The following ACOXL variants were observed in gnomAD, a reference collection of about 807,000 sequenced individuals.
ACOXL encodes acyl-CoA oxidase like.
Under a neutral mutation model 71.9 loss-of-function variants are expected in ACOXL, and 70 were observed. That is an observed-to-expected ratio of 0.97 (90% CI 0.80 to 1.19). The LOEUF (loss-of-function observed/expected upper bound fraction) is 1.19, where lower values mean the gene tolerates loss of function less well. Among genes scored for constraint, ACOXL ranks in the 50% most tolerant of loss-of-function variants. The pLI is 0.00. For synonymous variants in ACOXL, 253 were observed against 281.6 expected (o/e 0.90, Z 1.02); for missense variants, 703 against 736.3 (o/e 0.95, Z 0.52).
rs61028803 is a variant in ACOXL, at chr2:110,846,641, GCACA to G, written c.788+5267_788+5270del. 1.1e-3 allele frequency among the ~76,000 whole-genome samples: 150 copies of G among 138,030 alleles called. 1 individual carries two copies. The highest frequency in any genetic ancestry group is 8.3e-3 in the South Asian group (32 of 3,874). The allele number at this position is 138,030 out of a possible 152,430, so 90.6% of individuals were successfully genotyped here. On this transcript the variant is annotated intron_variant, in intron 10 of 17. Coordinates refer to ENST00000439055, the MANE Select transcript of ACOXL (RefSeq NM_001142807.4). ...TGTGAGCATGCAAGTATGCATACAC[GCACA>G]CACACACACACACACACACACACAC...
intron 13 of ACOXL, among the ~76,000 whole-genome samples, chr2:110,993,879 T>C (rs1040761887): frequency 6.6e-6 from 1 of 152,250 alleles, no homozygotes; most frequent in Non-Finnish European, 1.5e-5. Context: ...TGATGTCTAA[T>C]GATACTTATT....
Position 110,812,638 on chromosome 2 carries a change from A to G in ACOXL, c.753+7243A>G, listed in dbSNP as rs74440567. Among the ~76,000 whole-genome samples the G allele has an allele frequency of 6.2e-3, 948 of 152,366 alleles. 11 individuals are homozygous for G. The highest frequency in any genetic ancestry group is 0.021 in the African/African-American group (884 of 41,580). ...TCCATTCATAAACATTTCTCCTTAA[A>G]AGATACATCTACTGCCCTTTTCCTC... On this transcript the variant is annotated intron_variant, in intron 9 of 17. Transcript: ENST00000439055.
intron 9 of ACOXL, among the ~76,000 whole-genome samples, chr2:110,815,082 A>G (rs1038161139): frequency 2.0e-5 from 3 of 152,344 alleles, no homozygotes; most frequent in East Asian, 3.9e-4. Context: ...ACTTACAATC[A>G]TGGTGGAAGG....
chr2:110,770,835 T>C (rs1167024095), intron 2 of ACOXL, among the ~76,000 whole-genome samples: 1 of 152,200 alleles, frequency 6.6e-6, no homozygotes, highest in Non-Finnish European at 1.5e-5. Flanking sequence ...CTTAACTTAG[T>C]GTCAATACTC....
intron 10 of ACOXL, among the ~76,000 whole-genome samples, chr2:110,860,608 C>G (rs761836174): frequency 3.9e-5 from 6 of 152,168 alleles, no homozygotes; most frequent in Non-Finnish European, 7.3e-5. Context: ...GGGAAAAGAT[C>G]AGTGTGTGTA....
At chr2:111,085,052 C>T (rs1422314843) in intron 16 of ACOXL, among the ~76,000 whole-genome samples, 1 of 152,124 alleles carries the variant, frequency 6.6e-6, no homozygotes, top group Non-Finnish European at 1.5e-5. Flanking sequence ...TATATGTACA[C>T]AACACAGGAA....
At chr2:110,827,724 A>G (rs1253954438) in intron 9 of ACOXL, among the ~76,000 whole-genome samples, 1 of 151,794 alleles carries the variant, frequency 6.6e-6, no homozygotes, top group Admixed American at 6.6e-5. Context: ...ACATCAGCTG[A>G]CCCTGGAAAG....
rs937768651 is a variant in ACOXL at position 110,793,614 on chromosome 2, G to A, written c.160-36G>A. On this transcript the variant is annotated intron_variant, in intron 3 of 17. Transcript: ENST00000439055. ...TTTAATTGTCTTTAGATTGCTGACT[G>A]TTGCTAATGATGGTTTGTATTGTCC... is the stretch of plus-strand genomic sequence containing the variant. 3 of 1,575,272 alleles carry A rather than the reference G, an allele frequency of 1.9e-6. No homozygotes were observed. The African/African-American group carries it at 4.0e-5, about 21-fold the overall frequency.
Position 111,064,248 on chromosome 2 carries a change from A to G in ACOXL, c.1440+14960A>G, listed in dbSNP as rs564001525. On this transcript the variant is annotated intron_variant, in intron 16 of 17. Transcript: ENST00000439055. The stretch of plus-strand genomic sequence containing the variant: ...TCAGGAGATCGAGACCATCCTGGCT[A>G]ACACAGTGAAACCCCGTCTCTACTA... Among the ~76,000 whole-genome samples, 3 of 152,234 alleles carry G rather than the reference A, an allele frequency of 2.0e-5. No homozygotes were observed. In the East Asian group the frequency reaches 5.8e-4, roughly 29 times the overall value.
chr2:110,776,032 G>T (rs774515690), intron 2 of ACOXL, among the ~76,000 whole-genome samples: 43 of 152,142 alleles, frequency 2.8e-4, no homozygotes, highest in Non-Finnish European at 5.0e-4. Flanking sequence ...CAGGTGAATG[G>T]CATAACAAAA....
intron 15 of ACOXL, among the ~76,000 whole-genome samples, chr2:111,034,063 T>C (rs1317424142): frequency 6.6e-6 from 1 of 152,238 alleles, no homozygotes; most frequent in Non-Finnish European, 1.5e-5. Context: ...GGATGGGGGC[T>C]CTGGAGTCAG....
At chr2:111,071,851 C>A (rs1273679743) in intron 16 of ACOXL, among the ~76,000 whole-genome samples, 1 of 152,220 alleles carries the variant, frequency 6.6e-6, no homozygotes, top group Non-Finnish European at 1.5e-5. Flanking sequence ...CAAATGCACA[C>A]TGAGCCCTGA....
chr2:110,774,869 T>C (rs1017135798), intron 2 of ACOXL, among the ~76,000 whole-genome samples: 3 of 152,176 alleles, frequency 2.0e-5, no homozygotes, highest in Non-Finnish European at 4.4e-5. Flanking sequence ...CAAAGCAATC[T>C]TGGAAAAGAA....
At chr2:111,096,777 C>T (rs1029479840) in intron 17 of ACOXL, among the ~76,000 whole-genome samples, 3 of 152,212 alleles carry the variant, frequency 2.0e-5, no homozygotes, top group Admixed American at 6.5e-5. Context: ...AAGTCCTAAT[C>T]GAAGGTAATT....
At chr2:111,037,657 A>G (rs1287208654) in intron 15 of ACOXL, among the ~76,000 whole-genome samples, 5 of 152,326 alleles carry the variant, frequency 3.3e-5, no homozygotes, top group Middle Eastern at 3.4e-3. Flanking sequence ...TTTAATCTCC[A>G]CAACAACCTT....
intron 9 of ACOXL, among the ~76,000 whole-genome samples, chr2:110,826,535 C>CAAGA (rs1476275355): frequency 6.6e-6 from 1 of 152,146 alleles, no homozygotes; most frequent in Admixed American, 6.5e-5. Flanking sequence ...TTGCCCAGAC[C>CAAGA]TCTTGCCTGA....
chr2:111,028,419 G>A (rs780866720), intron 14 of ACOXL, among the ~76,000 whole-genome samples: 26 of 151,930 alleles, frequency 1.7e-4, no homozygotes, highest in Non-Finnish European at 3.4e-4. Context: ...GCCTCCCAAA[G>A]TGCTGGGTTT....
At chr2:110,887,948 C>T (rs184096132) in intron 10 of ACOXL, 39 of 152,268 alleles carry the variant, frequency 2.6e-4, no homozygotes, top group East Asian at 1.5e-3. Context: ...AAATTCCCAA[C>T]GTTTATTTGA....
At chr2:110,757,581 A>G (rs1455731247) in intron 1 of ACOXL, among the ~76,000 whole-genome samples, 1 of 152,098 alleles carries the variant, frequency 6.6e-6, no homozygotes, top group East Asian at 1.9e-4. Context: ...TCACTTTTTA[A>G]TAATCAACAT....
Sources: gnomAD v4.1 joint callset for allele counts (sites outside exome capture counted in the v4.1 genomes callset) on GRCh38, gnomAD v4.1.1 for gene constraint, MANE v1.5 for transcripts, NCBI Gene and HGNC (gene_info 2026-07-23, HGNC 2026-07-21) for gene names.